ATXN7L3: variants seen among roughly 807,000 people sequenced by gnomAD.
ATXN7L3 encodes the protein ataxin 7 like 3.
In ATXN7L3, 6 loss-of-function variants were observed where a neutral mutation model predicts 50.0. The ratio of observed to expected loss-of-function variants is 0.12; its 90% CI spans 0.07 to 0.24. ATXN7L3 has a LOEUF of 0.24. ATXN7L3 is among the 10% of genes least tolerant of loss of function. The pLI is 1.00. For missense variants in ATXN7L3, 322 were observed against 451.3 expected (o/e 0.71, Z 2.60); for synonymous variants, 198 against 165.8 (o/e 1.19, Z -1.49).
At position 44,194,403 on chromosome 17, in the gene ATXN7L3, T is replaced by C. The variant is rs769159027; in HGVS notation, c.904A>G (p.Ser302Gly). 3 of 1,614,118 alleles carry C rather than the reference T, an allele frequency of 1.9e-6. No individual in the cohort carries two copies. The highest frequency in any genetic ancestry group is 2.5e-6 in the Non-Finnish European group (3 of 1,180,006). Residue 302 changes from serine to glycine, a missense_variant, in exon 13 of 13, where the codon AGC becomes GGC. Ser to Gly is a moderately conservative substitution (Grantham distance 56). Transcript: ENST00000587097. The part of the protein sequence containing the change: ...ENQGWGLGTN[S>G]SESRKTKKKK... ...TTCTTGGTTTTCCGTGACTCAGAGC[T>C]GTTGGTACCTGTAGAGAAAGAGACA...
chr17:44,196,253 T>G (rs1022681202), intron 6 of ATXN7L3, 143 bp downstream of exon 6: 5 of 248,442 alleles, frequency 2.0e-5, no homozygotes, highest in African/African-American at 9.1e-5. Flanking sequence ...CCACCCACAC[T>G]CCCCCGCCCC....
intron 10 of ATXN7L3, 120 bp downstream of exon 10, chr17:44,194,977 A>G: frequency 1.4e-6 from 2 of 1,460,606 alleles, no homozygotes; most frequent in Admixed American, 3.4e-5. Flanking sequence ...AGGCCTCATC[A>G]TTAGAGGAGG....
At chr17:44,194,966 A>G (rs889947821) in intron 10 of ATXN7L3, 127 bp from the exon 11 acceptor site, 1 of 1,463,502 alleles carries the variant, frequency 6.8e-7, no homozygotes, top group Non-Finnish European at 9.5e-7. Flanking sequence ...ATTGTGGCCA[A>G]AGGCCTCATC....
rs778227522 is a variant in ATXN7L3 at position 44,196,024 on chromosome 17, C to A, written c.523+10G>T. 15 of 1,609,464 alleles carry A rather than the reference C, an allele frequency of 9.3e-6. No individual in the cohort carries two copies. Among genetic ancestry groups the A allele is most frequent in the Non-Finnish European group, 1.2e-5 (14 of 1,175,962 alleles). On this transcript the variant is annotated intron_variant, in intron 7 of 12. Coordinates refer to ENST00000587097, the MANE Select transcript of ATXN7L3 (RefSeq NM_001382309.1). ...GCTAGAAGCATTCCCATTGCTCCGG[C>A]TCCACTTACCATTTTTGTGTTTTAA...
intron 11 of ATXN7L3, 36 bp from the exon 12 acceptor site, chr17:44,194,710 A>T: frequency 6.2e-7 from 1 of 1,613,518 alleles, no homozygotes; most frequent in African/African-American, 1.3e-5. Context: ...GGCTTTAGAG[A>T]TAGTGATCAT....
intron 8 of ATXN7L3, 59 bp from the exon 9 acceptor site, chr17:44,195,546 G>C: frequency 1.3e-6 from 2 of 1,525,770 alleles, no homozygotes; most frequent in Non-Finnish European, 1.8e-6. Context: ...AAGGACAGGG[G>C]TGGAAGTGAG....
chr17:44,199,760 T>C lies in ATXN7L3; in HGVS notation c.-325A>G, dbSNP rs2056077864. The C allele has an allele frequency of 7.3e-6, 1 of 136,056 alleles. No individual in the cohort carries two copies. Among genetic ancestry groups the C allele is most frequent in the Non-Finnish European group, 1.6e-5 (1 of 62,276 alleles). The allele number at this position is 136,056 out of a possible 1,614,324, so 8.4% of individuals were successfully genotyped here. ...CCGCCCGCGCGCAGTCCGCGCGCCG[T>C]CCGCGCGCCCCTCCCCCCGCCCCCC... On this transcript the variant is annotated 5_prime_UTR_variant, in exon 1 of 13. Transcript: ENST00000587097.
At position 44,192,290 on chromosome 17, in the gene ATXN7L3, C is replaced by T. The variant is rs2055713754; in HGVS notation, c.*1973G>A. On this transcript the variant is annotated 3_prime_UTR_variant, in exon 13 of 13. Coordinates refer to ENST00000587097, the MANE Select transcript of ATXN7L3 (RefSeq NM_001382309.1). ...AAGCCCATCTCTTACCCAGCCTGGG[C>T]AGGGGGCTCTGCCCTGAGGGCGGGC... is the stretch of plus-strand genomic sequence containing the variant. 1 of 152,264 alleles carries T rather than the reference C, an allele frequency of 6.6e-6. No homozygotes were observed. Among genetic ancestry groups the T allele is most frequent in the Non-Finnish European group, 1.5e-5 (1 of 68,076 alleles). The allele number at this position is 152,264 out of a possible 1,614,324, so 9.4% of individuals were successfully genotyped here. A position where few individuals can be genotyped will look rare whatever the true frequency, so the allele number is the denominator to read the frequency against.
chr17:44,199,592 C>A lies in ATXN7L3; in HGVS notation c.-157G>T. 6.8e-6 allele frequency: 1 copy of A among 146,870 alleles called. No individual in the cohort carries two copies. The highest frequency in any genetic ancestry group is 2.1e-4 in the South Asian group (1 of 4,664). The allele number at this position is 146,870 out of a possible 1,614,324, so 9.1% of individuals were successfully genotyped here. ...GGCTGCTCCGGAGCCCCATGTCCGT[C>A]GGTCCGTCCTCGCCTCTCCCCGGGG... On this transcript the variant is annotated 5_prime_UTR_variant, in exon 1 of 13. Coordinates refer to ENST00000587097, the MANE Select transcript of ATXN7L3 (RefSeq NM_001382309.1).
At chr17:44,198,368 TAG>T in intron 1 of ATXN7L3, 1 of 392,212 alleles carries the variant, frequency 2.5e-6, no homozygotes. Flanking sequence ...TCTGGGTCTA[TAG>T]GAGGCAGCAG....
intron 4 of ATXN7L3, 32 bp from the exon 5 acceptor site, chr17:44,197,058 G>A (rs1215105219): frequency 2.5e-6 from 4 of 1,580,684 alleles, no homozygotes; most frequent in African/African-American, 2.7e-5. Context: ...AAGGGGCCAA[G>A]GGGAAGGAAG....
At position 44,192,598 on chromosome 17, in the gene ATXN7L3, G is replaced by C. The variant is rs1179926732; in HGVS notation, c.*1665C>G. 1 of 152,188 alleles carries C rather than the reference G, an allele frequency of 6.6e-6. No individual in the cohort carries two copies. The highest frequency in any genetic ancestry group is 6.5e-5 in the Admixed American group (1 of 15,280). 9.4% of individuals were successfully genotyped at this position (152,188 alleles called of 1,614,324 possible). ...GGGAGACTACGGAGGGCCAAGAATA[G>C]AGAAGCCCAGGCCCCGGGATTTATT... On this transcript the variant is annotated 3_prime_UTR_variant, in exon 13 of 13. Coordinates refer to ENST00000587097, the MANE Select transcript of ATXN7L3 (RefSeq NM_001382309.1).
At position 44,193,186 on chromosome 17, in the gene ATXN7L3, C is replaced by CA. The variant is rs1213351550; in HGVS notation, c.*1076dup. ...AAGATTAGGATTTTCCTCAGAGCCC[C>CA]AAACCACAAGTACAGAATAAATAAC... On this transcript the variant is annotated 3_prime_UTR_variant, in exon 13 of 13. Coordinates refer to ENST00000587097, the MANE Select transcript of ATXN7L3 (RefSeq NM_001382309.1). The CA allele has an allele frequency of 6.6e-6, 1 of 152,238 alleles. No individual in the cohort carries two copies. Among genetic ancestry groups the CA allele is most frequent in the Non-Finnish European group, 1.5e-5 (1 of 68,082 alleles). The allele number at this position is 152,238 out of a possible 1,614,324, so 9.4% of individuals were successfully genotyped here.
At chr17:44,195,899 G>C (rs2055869826) in intron 7 of ATXN7L3, 71 bp from the exon 8 acceptor site, 10 of 1,575,722 alleles carry the variant, frequency 6.3e-6, no homozygotes, top group Non-Finnish European at 8.6e-6. Context: ...AAAATAACCA[G>C]AGAGGAAGTG....
intron 6 of ATXN7L3, 80 bp from the exon 7 acceptor site, chr17:44,196,159 T>G: frequency 6.6e-7 from 1 of 1,505,230 alleles, no homozygotes; most frequent in Non-Finnish European, 9.2e-7. Flanking sequence ...AAAAAAGATT[T>G]GACAAAGCAG....
At chr17:44,195,190 G>C in intron 9 of ATXN7L3, 50 bp from the exon 10 acceptor site, 1 of 1,569,690 alleles carries the variant, frequency 6.4e-7, no homozygotes, top group Admixed American at 1.7e-5. Flanking sequence ...ACCTACTCTA[G>C]ATGTTAGATG....
Position 44,194,096 on chromosome 17 carries a change from G to C in ATXN7L3, c.*167C>G. 1 of 831,658 alleles carries C rather than the reference G, an allele frequency of 1.2e-6. No homozygotes were observed. Among genetic ancestry groups the C allele is most frequent in the Non-Finnish European group, 1.9e-6 (1 of 530,960 alleles). 51.5% of individuals were successfully genotyped at this position (831,658 alleles called of 1,614,324 possible). ...CGAGGAGTCGTGCTCCATTGCAGAGGACTTTGACACCCCCCAGGGGCGCAT... is the reference window on the plus strand; with the variant it reads ...CGAGGAGTCGTGCTCCATTGCAGAGCACTTTGACACCCCCCAGGGGCGCAT... On this transcript the variant is annotated 3_prime_UTR_variant, in exon 13 of 13. Transcript: ENST00000587097.
rs548771880 is a variant in ATXN7L3 at position 44,196,625 on chromosome 17, A to G, written c.455-207T>C. ...AAACCCCATCTCTACTAAAAATACA[A>G]AAATTAGCTGGGCATGGTAGCACGC... On this transcript the variant is annotated intron_variant, in intron 5 of 12. Transcript: ENST00000587097. 1.5e-3 allele frequency among the ~76,000 whole-genome samples: 235 copies of G among 151,926 alleles called. 1 individual carries two copies. Among genetic ancestry groups the G allele is most frequent in the Non-Finnish European group, 2.5e-3 (168 of 67,956 alleles).
At chr17:44,195,662 G>T in intron 8 of ATXN7L3, 138 bp downstream of exon 8, 1 of 1,220,286 alleles carries the variant, frequency 8.2e-7, no homozygotes. Context: ...GTGGGACTCA[G>T]AAAGAACATA....
Sources: gnomAD v4.1 joint callset for allele counts (sites outside exome capture counted in the v4.1 genomes callset) on GRCh38, gnomAD v4.1.1 for gene constraint, MANE v1.5 for transcripts, NCBI Gene and HGNC (gene_info 2026-07-23, HGNC 2026-07-21) for gene names.